Variants in FADS1 observed in about 807,000 individuals in gnomAD.
The protein encoded by FADS1 is acyl-CoA (8-3)-desaturase.
In FADS1, 17 loss-of-function variants were observed where a neutral mutation model predicts 61.6. That is an observed-to-expected ratio of 0.28 (90% CI 0.19 to 0.41). The LOEUF is 0.41. Among genes scored for constraint, FADS1 ranks in the 10% least tolerant of loss-of-function variants. The pLI is 1.00. For missense variants in FADS1, 387 were observed against 650.9 expected, an observed-to-expected ratio of 0.59 and a Z score of 4.41; for synonymous variants, 238 against 258.7, an observed-to-expected ratio of 0.92 and a Z score of 0.77.
chr11:61,813,212 T>C (rs1321862561), intron 2 of FADS1, 31 bp downstream of exon 2: 2 of 1,294,350 alleles, frequency 1.5e-6, no homozygotes, highest in South Asian at 1.2e-5. Context: ...CAACAACCAA[T>C]AGTTGCGACA....
chr11:61,804,700 C>T lies in FADS1; in HGVS notation c.1038G>A (p.Gln346=). 2.5e-6 allele frequency: 4 copies of T among 1,614,114 alleles called. No individual in the cohort carries two copies. The highest frequency in any genetic ancestry group is 3.4e-6 in the Non-Finnish European group (4 of 1,179,972). Residue 346 remains glutamine, a synonymous_variant, in exon 7 of 12, where the codon CAG becomes CAA. Coordinates refer to ENST00000350997, the MANE Select transcript of FADS1 (RefSeq NM_013402.7). ...FQWYIFYFVI[Q]RKKWVDLAWM... ...GGATACTCACCACCCACTTCTTTCG[C>T]TGGATAACAAAATAGAAAATATACC...
At position 61,813,238 on chromosome 11, in the gene FADS1, C is replaced by T. The variant is rs1191732201; in HGVS notation, c.486+5G>A. On this transcript the variant is annotated splice_donor_5th_base_variant and intron_variant, in intron 2 of 11. Transcript: ENST00000350997. ...AGTTGCGACATAGCAAACACAGGGTCTTACATTCTTGGTGGGCTCAAAGCT... is the reference window on the plus strand; with the variant it reads ...AGTTGCGACATAGCAAACACAGGGTTTTACATTCTTGGTGGGCTCAAAGCT... 1 of 1,565,114 alleles carries T rather than the reference C, an allele frequency of 6.4e-7. No homozygotes were observed. Among genetic ancestry groups the T allele is most frequent in the South Asian group, 1.1e-5 (1 of 90,010 alleles).
At chr11:61,810,175 T>C (rs1407142062) in intron 5 of FADS1, among the ~76,000 whole-genome samples, 2 of 152,184 alleles carry the variant, frequency 1.3e-5, no homozygotes, top group Non-Finnish European at 2.9e-5. Context: ...AGCAGCTACA[T>C]TATTTCTGCT....
chr11:61,807,368 G>A (rs1480222100), intron 5 of FADS1, among the ~76,000 whole-genome samples: 4 of 151,886 alleles, frequency 2.6e-5, no homozygotes, highest in South Asian at 2.1e-4. Flanking sequence ...GCGCCCGGCC[G>A]CCATCGTACT....
At position 61,816,909 on chromosome 11, in the gene FADS1, C is replaced by G. The variant is rs1591158021; in HGVS notation, c.21G>C (p.Arg7Ser). The G allele has an allele frequency of 1.4e-6, 2 of 1,407,164 alleles. No individual in the cohort carries two copies. The highest frequency in any genetic ancestry group is 1.8e-6 in the Non-Finnish European group (2 of 1,092,338). 87.2% of individuals were successfully genotyped at this position (1,407,164 alleles called of 1,614,324 possible). Residue 7 changes from arginine (R) to serine (S), a missense_variant, in exon 1 of 12, where the codon AGG becomes AGC. Physicochemically the swap from Arg to Ser is moderately radical, Grantham distance 110. Coordinates refer to ENST00000350997, the MANE Select transcript of FADS1 (RefSeq NM_013402.7). This position sits in a 1 kb window ranked among gnomAD's most constrained non-coding sequence, Gnocchi z 7.0. ...CAGCACCGCAGGGCAGACCGGCGGGCCTCGCAGCGCGCGTTCCCATTGGCC... is the reference window on the plus strand; with the variant it reads ...CAGCACCGCAGGGCAGACCGGCGGGGCTCGCAGCGCGCGTTCCCATTGGCC... Reference protein sequence around the residue: MGTRAARPAGLPCGAEN... With the variant: MGTRAASPAGLPCGAEN...
At position 61,806,711 on chromosome 11, in the gene FADS1, TTC is replaced by T. The variant is rs1305503053; in HGVS notation, c.927_928del (p.Lys310GlufsTer95). On this transcript the variant is annotated frameshift_variant, in exon 6 of 12. Transcript: ENST00000350997. LOFTEE classifies it high-confidence loss of function. The stretch of plus-strand genomic sequence containing the variant: ...GTGGTTGTACGGCATATATTTTTTC[TTC>T]TGTTTCCCAAGCTGTGAAGAAAAGC... 1 of 1,614,062 alleles carries T rather than the reference TTC, an allele frequency of 6.2e-7. No individual in the cohort carries two copies. Among genetic ancestry groups the T allele is most frequent in the Non-Finnish European group, 8.5e-7 (1 of 1,179,996 alleles).
At chr11:61,811,097 T>A (rs1174489253) in intron 3 of FADS1, 22 bp from the exon 4 acceptor site, 1 of 1,586,596 alleles carries the variant, frequency 6.3e-7, no homozygotes, top group African/African-American at 1.3e-5. Context: ...GAGTCAACAC[T>A]GAGAGCAGCC....
chr11:61,815,702 A>T lies in FADS1; in HGVS notation c.375+853T>A, dbSNP rs1248890486. The T allele has an allele frequency of 6.4e-6, 1 of 155,146 alleles. No homozygotes were observed. The highest frequency in any genetic ancestry group is 1.4e-5 in the Non-Finnish European group (1 of 70,034). The allele number at this position is 155,146 out of a possible 1,614,324, so 9.6% of individuals were successfully genotyped here. ...TCTGAGGGCTGTGGTCTAGAAAGGG[A>T]AGCAGCAGGCCTGGGGCTGGGGCGC... On this transcript the variant is annotated intron_variant, in intron 1 of 11. Transcript: ENST00000350997. The surrounding 1 kb of genome is among the most constrained non-coding windows in gnomAD (Gnocchi z 6.4).
Position 61,803,557 on chromosome 11 carries a change from C to T in FADS1, c.1152-98G>A, listed in dbSNP as rs2066872392. Reference sequence around the variant, plus strand: ...GCTCCAGCCTGTCTACTTTCCCAAGCCAACTCCTGAAACACCCACTGTTAC... The same window carrying T: ...GCTCCAGCCTGTCTACTTTCCCAAGTCAACTCCTGAAACACCCACTGTTAC... On this transcript the variant is annotated intron_variant, in intron 8 of 11. Coordinates refer to ENST00000350997, the MANE Select transcript of FADS1 (RefSeq NM_013402.7). The surrounding 1 kb of genome is among the most constrained non-coding windows in gnomAD (Gnocchi z 4.3). 1.5e-6 allele frequency: 2 copies of T among 1,375,604 alleles called. No homozygotes were observed. The highest frequency in any genetic ancestry group is 1.7e-5 in the Admixed American group (1 of 59,602). The allele number at this position is 1,375,604 out of a possible 1,614,324, so 85.2% of individuals were successfully genotyped here. A position where few individuals can be genotyped will look rare whatever the true frequency, so the allele number is the denominator to read the frequency against.
chr11:61,804,670 G>A lies in FADS1; in HGVS notation c.1053+15C>T, dbSNP rs771150406. 3 of 1,610,490 alleles carry A rather than the reference G, an allele frequency of 1.9e-6. No homozygotes were observed. The highest frequency in any genetic ancestry group is 2.5e-6 in the Non-Finnish European group (3 of 1,176,798). On this transcript the variant is annotated intron_variant, in intron 7 of 11. Coordinates refer to ENST00000350997, the MANE Select transcript of FADS1 (RefSeq NM_013402.7). ...GGAGACAAGGATGTGGGCTTCTTGG[G>A]CCATGGATACTCACCACCCACTTCT...
intron 7 of FADS1, chr11:61,804,265 A>G (rs2066878638): frequency 2.4e-5 from 5 of 204,628 alleles, no homozygotes; most frequent in South Asian, 2.4e-4. Context: ...CCTCAAGGCC[A>G]GCTAGAAAAG....
rs2066869075 is a variant in FADS1 at position 61,803,150 on chromosome 11, G to A, written c.1249-39C>T. 1 of 1,594,174 alleles carries A rather than the reference G, an allele frequency of 6.3e-7. No homozygotes were observed. The highest frequency in any genetic ancestry group is 8.6e-7 in the Non-Finnish European group (1 of 1,162,180). On this transcript the variant is annotated intron_variant, in intron 9 of 11. Coordinates refer to ENST00000350997, the MANE Select transcript of FADS1 (RefSeq NM_013402.7). This position sits in a 1 kb window ranked among gnomAD's most constrained non-coding sequence, Gnocchi z 4.3. ...TCAGGGGAGAGCATGTTGAATATCA[G>A]ATGGAAAGGCCAGCCCAGCATTCTC...
At chr11:61,806,348 C>CAAAA in intron 6 of FADS1, 4 of 155,908 alleles carry the variant, frequency 2.6e-5, no homozygotes, top group South Asian at 9.7e-5. Context: ...GACTCCGTCT[C>CAAAA]AAAAAAAAAA....
Position 61,813,346 on chromosome 11 carries a change from A to G in FADS1, c.383T>C (p.Phe128Ser), listed in dbSNP as rs2066945061. The change falls in exon 2 of 12, where the codon TTT becomes TCT. Residue 128 changes from phenylalanine (F) to serine (S), a missense_variant. This residue lies in a region of FADS1 where 257 missense variants were observed against 533.3 expected (regional missense o/e 0.48). Transcript: ENST00000350997. The part of the protein sequence containing the change: ...HYAGQDATDP[F>S]VAFHINKGLV... ...GCCCTTGTTGATGTGGAAGGCCACA[A>G]AGGGATCCTGCAAGTGCCGGGAGAA... 6.2e-7 allele frequency: 1 copy of G among 1,600,680 alleles called. No individual in the cohort carries two copies. The highest frequency in any genetic ancestry group is 1.3e-5 in the African/African-American group (1 of 74,518).
At position 61,807,937 on chromosome 11, in the gene FADS1, C is replaced by T. The variant is rs1007368469; in HGVS notation, c.916-1213G>A. On this transcript the variant is annotated intron_variant, in intron 5 of 11. Coordinates refer to ENST00000350997, the MANE Select transcript of FADS1 (RefSeq NM_013402.7). ...ACAGATTCAAGTTCTTCAGCACCTA[C>T]TGTGTGCCGGGCTATGTTCTAGATG... is the stretch of plus-strand genomic sequence containing the variant. 4.6e-5 allele frequency among the ~76,000 whole-genome samples: 7 copies of T among 152,222 alleles called. No individual in the cohort carries two copies. In the East Asian group the frequency reaches 1.3e-3, roughly 29 times the overall value.
rs1248969666 is a variant in FADS1, at chr11:61,816,796, G to T, written c.134C>A (p.Ala45Asp). Residue 45 changes from alanine (A) to aspartate (D), a missense_variant, in exon 1 of 12, where the codon GCC (alanine) becomes GAC (aspartate). Transcript: ENST00000350997. This position sits in a 1 kb window ranked among gnomAD's most constrained non-coding sequence, Gnocchi z 7.0. ...GACGCCGCGCGCCGGGCCAGCAGGGGCTGTCAGGCGCGTGCTCGGGGTCCG... is the reference window on the plus strand; with the variant it reads ...GACGCCGCGCGCCGGGCCAGCAGGGTCTGTCAGGCGCGTGCTCGGGGTCCG... ...SPRTPSTRLT[A>D]PAGPARGVAR... 6.7e-7 allele frequency: 1 copy of T among 1,502,672 alleles called. No homozygotes were observed. Among genetic ancestry groups the T allele is most frequent in the South Asian group, 1.3e-5 (1 of 79,380 alleles). 93.1% of individuals were successfully genotyped at this position (1,502,672 alleles called of 1,614,324 possible).
rs1247309110 is a variant in FADS1 at position 61,815,558 on chromosome 11, AG to A, written c.375+996del. The stretch of plus-strand genomic sequence containing the variant: ...CGGGATCAGAGGGGGATGCAAGGGG[AG>A]GGGACGCCATTCTGGCCGCCAAGGG... On this transcript the variant is annotated intron_variant, in intron 1 of 11. Coordinates refer to ENST00000350997, the MANE Select transcript of FADS1 (RefSeq NM_013402.7). This position sits in a 1 kb window ranked among gnomAD's most constrained non-coding sequence, Gnocchi z 6.4. 1.3e-5 allele frequency: 2 copies of A among 152,734 alleles called. No individual in the cohort carries two copies. The highest frequency in any genetic ancestry group is 2.9e-5 in the Non-Finnish European group (2 of 68,486). The allele number at this position is 152,734 out of a possible 1,614,324, so 9.5% of individuals were successfully genotyped here.
Position 61,816,055 on chromosome 11 carries a change from G to C in FADS1, c.375+500C>G, listed in dbSNP as rs969388451. The C allele has an allele frequency of 1.5e-5, 9 of 584,454 alleles. No individual in the cohort carries two copies. Among genetic ancestry groups the C allele is most frequent in the African/African-American group, 3.7e-5 (2 of 53,398 alleles). 36.2% of individuals were successfully genotyped at this position (584,454 alleles called of 1,614,324 possible). A position where few individuals can be genotyped will look rare whatever the true frequency, so the allele number is the denominator to read the frequency against. On this transcript the variant is annotated intron_variant, in intron 1 of 11. Transcript: ENST00000350997. The surrounding 1 kb of genome is among the most constrained non-coding windows in gnomAD (Gnocchi z 7.0). ...GTTTCAGCCCCATCCTCGAGAATGG[G>C]CTCCTTTCCTGCTCCCTCTCCGCTC...
chr11:61,804,627 T>TC (rs1418078019), intron 7 of FADS1, 58 bp downstream of exon 7: 4 of 1,455,352 alleles, frequency 2.7e-6, no homozygotes, highest in Non-Finnish European at 3.8e-6. Flanking sequence ...GGAACCCCTA[T>TC]CCCCCACTCT....
Sources: gnomAD v4.1 joint callset for allele counts (sites outside exome capture counted in the v4.1 genomes callset) on GRCh38, gnomAD v4.1.1 for gene constraint, gnomAD v4.1.1 regional missense constraint, Gnocchi (gnomAD v3.1) non-coding constraint, MANE v1.5 for transcripts, NCBI Gene and HGNC (gene_info 2026-07-23, HGNC 2026-07-21) for gene names.